The following FBXO22 variants were observed in gnomAD, a reference collection of about 807,000 sequenced individuals.
FBXO22 encodes the protein F-box only protein 22.
In FBXO22, 13 loss-of-function variants were observed where a neutral mutation model predicts 37.2. The observed-to-expected ratio is 0.35, with a 90% CI of 0.23 to 0.56. The LOEUF is 0.56. Among genes scored for constraint, FBXO22 ranks in the 20% least tolerant of loss-of-function variants. The probability of loss-of-function intolerance (pLI) is 0.87; values close to 1 mark genes in which losing one functional copy is unlikely to be tolerated. For synonymous variants in FBXO22, 189 were observed against 189.1 expected (o/e 1.00, Z 0.00); for missense variants, 446 against 509.9 (o/e 0.87, Z 1.21).
At chr15:75,922,726 G>A (rs918718995) in intron 5 of FBXO22, among the ~76,000 whole-genome samples, 1 of 152,154 alleles carries the variant, frequency 6.6e-6, no homozygotes, top group Non-Finnish European at 1.5e-5. Flanking sequence ...CCTGTGTGGG[G>A]AGACACTGGA....
At chr15:75,915,193 A>G (rs1900155688) in intron 4 of FBXO22, among the ~76,000 whole-genome samples, 1 of 151,480 alleles carries the variant, frequency 6.6e-6, no homozygotes, top group South Asian at 2.1e-4. Flanking sequence ...CTGGTCTCAA[A>G]TTCCTGACCT....
At chr15:75,923,422 G>T (rs189879768) in intron 5 of FBXO22, among the ~76,000 whole-genome samples, 1 of 152,270 alleles carries the variant, frequency 6.6e-6, no homozygotes, top group Admixed American at 6.5e-5. Context: ...GCTTTGCCCA[G>T]CTTAAAATGG....
intron 2 of FBXO22, among the ~76,000 whole-genome samples, chr15:75,910,903 C>CA (rs1349070696): frequency 6.6e-6 from 1 of 152,166 alleles, no homozygotes; most frequent in African/African-American, 2.4e-5. Context: ...TTAGGTCTTA[C>CA]ATTTAAGTCT....
At chr15:75,931,861 CAT>C (rs1047165211) in intron 6 of FBXO22, among the ~76,000 whole-genome samples, 2 of 152,166 alleles carry the variant, frequency 1.3e-5, no homozygotes, top group Non-Finnish European at 2.9e-5. Flanking sequence ...AAAAAAATAA[CAT>C]AATCATATTT....
chr15:75,922,802 TGGA>T (rs1900355812), intron 5 of FBXO22, among the ~76,000 whole-genome samples: 1 of 151,970 alleles, frequency 6.6e-6, no homozygotes, highest in African/African-American at 2.4e-5. Context: ...GGGAATGAAT[TGGA>T]GGAAATGAAC....
rs550231126 is a variant in FBXO22, at chr15:75,929,828, T to C, written c.629-56T>C. On this transcript the variant is annotated intron_variant, in intron 5 of 6. Coordinates refer to ENST00000308275, the MANE Select transcript of FBXO22 (RefSeq NM_147188.3). ...GTAACATTTCATTTTGCAGCATGTA[T>C]AAAATAATTTCTGTTTTAAGGCTGT... The C allele has an allele frequency of 3.1e-5, 50 of 1,603,344 alleles. 1 individual carries two copies. The South Asian group carries it at 4.8e-4, about 15-fold the overall frequency.
At chr15:75,917,060 T>C (rs1259290246) in intron 4 of FBXO22, among the ~76,000 whole-genome samples, 170 bp from the exon 5 acceptor site, 1 of 152,210 alleles carries the variant, frequency 6.6e-6, no homozygotes, top group East Asian at 1.9e-4. Flanking sequence ...TTCTGAACCA[T>C]TTGAAAGTTA....
At chr15:75,915,995 C>T (rs1179680241) in intron 4 of FBXO22, among the ~76,000 whole-genome samples, 1 of 129,578 alleles carries the variant, frequency 7.7e-6, no homozygotes, top group South Asian at 2.4e-4. Context: ...TGCTGGAAAC[C>T]GGGAGGCAGA....
chr15:75,909,182 A>T (rs1899993512), intron 2 of FBXO22, among the ~76,000 whole-genome samples: 1 of 152,224 alleles, frequency 6.6e-6, no homozygotes, highest in African/African-American at 2.4e-5. Flanking sequence ...GAGTCTGAAT[A>T]AGCCCAGCTC....
intron 5 of FBXO22, among the ~76,000 whole-genome samples, chr15:75,928,989 T>G (rs903356308): frequency 6.6e-6 from 1 of 152,206 alleles, no homozygotes; most frequent in African/African-American, 2.4e-5. Flanking sequence ...AGTAGTTTCT[T>G]AGGCTGCTGT....
rs540794351 is a variant in FBXO22, at chr15:75,911,372, G to A, written c.280-1831G>A. 5.9e-5 allele frequency among the ~76,000 whole-genome samples: 9 copies of A among 152,208 alleles called. No individual in the cohort carries two copies. The South Asian group carries it at 1.2e-3, about 21-fold the overall frequency. ...CTTTGGGCAATATGGGCATTTTCAC[G>A]ATATCGATTCTTCCTATCCTTGAGC... On this transcript the variant is annotated intron_variant, in intron 2 of 6. Transcript: ENST00000308275.
Position 75,904,200 on chromosome 15 carries a change from C to T in FBXO22, c.140+97C>T. On this transcript the variant is annotated intron_variant, in intron 1 of 6. Coordinates refer to ENST00000308275, the MANE Select transcript of FBXO22 (RefSeq NM_147188.3). ...GGGGGGAGAGACCCTTGGGACCCAC[C>T]AGGGCCGTCCCCGGCTCGCTCGCCC... The T allele has an allele frequency of 2.8e-6, 4 of 1,408,462 alleles. No individual in the cohort carries two copies. The Admixed American group carries it at 8.4e-5, about 30-fold the overall frequency. The allele number at this position is 1,408,462 out of a possible 1,614,324, so 87.2% of individuals were successfully genotyped here. A position where few individuals can be genotyped will look rare whatever the true frequency, so the allele number is the denominator to read the frequency against.
chr15:75,918,798 C>T (rs562450942), intron 5 of FBXO22, among the ~76,000 whole-genome samples: 2 of 152,216 alleles, frequency 1.3e-5, no homozygotes, highest in African/African-American at 4.8e-5. Flanking sequence ...AAATGTTGCT[C>T]TCATAGAAAT....
intron 1 of FBXO22, 75 bp from the exon 2 acceptor site, chr15:75,904,416 G>C: frequency 1.9e-6 from 3 of 1,599,164 alleles, no homozygotes; most frequent in Non-Finnish European, 2.6e-6. Context: ...TGCGCCAGCG[G>C]GTGGGGGTTT....
In FBXO22 at chr15:75,914,119, G is replaced by C. The variant is rs1389079567; in HGVS notation, c.377G>C (p.Arg126Thr). 3 of 1,611,606 alleles carry C rather than the reference G, an allele frequency of 1.9e-6. No individual in the cohort carries two copies. The highest frequency in any genetic ancestry group is 2.7e-5 in the African/African-American group (2 of 74,954). ...TACTGTATTTTTACAGCAAGGAAAA[G>C]AACTAGTATGGAAACAGCACTTGCC... ...ECRGHKRARKRTSMETALALE... is the reference protein window; with the variant it reads ...ECRGHKRARKTTSMETALALE... The change falls in exon 4 of 7, where the codon AGA (arginine) becomes ACA (threonine). Residue 126 changes from arginine to threonine, a missense_variant. Transcript: ENST00000308275.
intron 2 of FBXO22, among the ~76,000 whole-genome samples, chr15:75,908,036 G>C (rs887672535): frequency 6.6e-6 from 1 of 152,172 alleles, no homozygotes; most frequent in Non-Finnish European, 1.5e-5. Flanking sequence ...GGTGTCAGCT[G>C]TCTTAACTGT....
At position 75,913,210 on chromosome 15, in the gene FBXO22, G is replaced by T. The variant is rs757686717; in HGVS notation, c.287G>T (p.Arg96Leu). 6.2e-7 allele frequency: 1 copy of T among 1,603,288 alleles called. No homozygotes were observed. The highest frequency in any genetic ancestry group is 8.5e-7 in the Non-Finnish European group (1 of 1,176,010). The change falls in exon 3 of 7, where the codon CGC becomes CTC. Residue 96 changes from arginine (R) to leucine (L), a missense_variant. This residue lies in a region of FBXO22 where 315 missense variants were observed against 410.1 expected (regional missense o/e 0.77). Transcript: ENST00000308275. ...TTTTTTTTTTCTTTGCAGAATGTTC[G>T]CATCTTACCACATACAGTTCTTTAC... ...RVVAEELENV[R>L]ILPHTVLYMA...
chr15:75,918,853 G>C (rs1421130546), intron 5 of FBXO22, among the ~76,000 whole-genome samples: 1 of 152,170 alleles, frequency 6.6e-6, no homozygotes, highest in African/African-American at 2.4e-5. Flanking sequence ...GGTTGGGAGG[G>C]GCTTTGGGGA....
intron 5 of FBXO22, among the ~76,000 whole-genome samples, chr15:75,929,475 A>G (rs979536255): frequency 9.9e-5 from 15 of 151,602 alleles, no homozygotes; most frequent in Non-Finnish European, 2.2e-4. Context: ...AAAATCTGTA[A>G]ATTCTCACTG....
Sources: allele counts gnomAD v4.1 joint callset (sites outside exome capture counted in the v4.1 genomes callset), GRCh38; gene constraint gnomAD v4.1.1; regional missense constraint gnomAD v4.1.1; transcripts MANE v1.5; gene names NCBI Gene and HGNC (gene_info 2026-07-23, HGNC 2026-07-21).